The following TBC1D12 variants were observed in gnomAD, a reference collection of about 807,000 sequenced individuals.
TBC1D12 encodes the protein TBC1 domain family member 12.
In TBC1D12, 56 loss-of-function variants were observed where a neutral mutation model predicts 86.7. That is an observed-to-expected ratio of 0.65 (90% CI 0.52 to 0.81). The LOEUF is 0.81. Among genes scored for constraint, TBC1D12 ranks in the 30% least tolerant of loss-of-function variants. The pLI, the probability that TBC1D12 is intolerant of heterozygous loss-of-function variation, is 0.00. For synonymous variants in TBC1D12, 421 were observed against 411.7 expected (o/e 1.02, Z -0.27); for missense variants, 1,023 against 1,038.8 (o/e 0.98, Z 0.21).
intron 7 of TBC1D12, chr10:94,509,048 T>C (rs2056495695): frequency 6.6e-6 from 1 of 151,974 alleles, no homozygotes; most frequent in South Asian, 2.1e-4. Flanking sequence ...TGGGGCAAGG[T>C]TGTAGGTTTA....
chr10:94,424,231 A>G (rs1391867341), intron 1 of TBC1D12, among the ~76,000 whole-genome samples: 1 of 152,198 alleles, frequency 6.6e-6, no homozygotes, highest in African/African-American at 2.4e-5. Flanking sequence ...TTGTAGAAAG[A>G]GAGTAGTAGG....
chr10:94,458,870 C>T (rs1367908572), intron 2 of TBC1D12, among the ~76,000 whole-genome samples: 1 of 152,106 alleles, frequency 6.6e-6, no homozygotes, highest in African/African-American at 2.4e-5. Flanking sequence ...AGCTGCAGAC[C>T]TTTGCAGTGA....
chr10:94,425,248 A>T (rs373830334), intron 1 of TBC1D12, among the ~76,000 whole-genome samples: 11 of 152,232 alleles, frequency 7.2e-5, no homozygotes, highest in African/African-American at 2.6e-4. Flanking sequence ...ACTTCAGTGG[A>T]TGCAAAATGA....
At position 94,536,172 on chromosome 10, in the gene TBC1D12, T is replaced by C. The variant is rs1320012870; in HGVS notation, c.*3076T>C. Among the ~76,000 whole-genome samples, 1 of 152,104 alleles carries C rather than the reference T, an allele frequency of 6.6e-6. No homozygotes were observed. The highest frequency in any genetic ancestry group is 1.5e-5 in the Non-Finnish European group (1 of 67,980). ...ATGGTCAGTATATGGCAGTTTTTGT[T>C]GTTGTTGTTACAGTATATTTTCAAT... On this transcript the variant is annotated 3_prime_UTR_variant, in exon 13 of 13. Coordinates refer to ENST00000225235, the MANE Select transcript of TBC1D12 (RefSeq NM_015188.2).
At chr10:94,471,042 G>A (rs2055897583) in intron 2 of TBC1D12, among the ~76,000 whole-genome samples, 1 of 152,138 alleles carries the variant, frequency 6.6e-6, no homozygotes, top group South Asian at 2.1e-4. Flanking sequence ...TTGGGAGGCT[G>A]AGGTGGGTGG....
At chr10:94,531,810 TTA>T (rs1842434000) in intron 12 of TBC1D12, among the ~76,000 whole-genome samples, 1 of 149,136 alleles carries the variant, frequency 6.7e-6, no homozygotes, top group South Asian at 2.1e-4. Context: ...TTATGTTATT[TTA>T]TTTTATGTTA....
At chr10:94,425,917 GT>G (rs2055139126) in intron 1 of TBC1D12, among the ~76,000 whole-genome samples, 1 of 151,832 alleles carries the variant, frequency 6.6e-6, no homozygotes, top group South Asian at 2.1e-4. Flanking sequence ...TAAATATTTA[GT>G]TTTTTGTGTT....
At position 94,531,330 on chromosome 10, in the gene TBC1D12, T is replaced by C; in HGVS notation, c.2129T>C (p.Ile710Thr). 2.5e-6 allele frequency: 4 copies of C among 1,614,186 alleles called. No homozygotes were observed. The highest frequency in any genetic ancestry group is 1.3e-5 in the African/African-American group (1 of 75,052). Reference sequence around the variant, plus strand: ...GGAATCCTCCGATTATATGAAGATATTCTCCTGCAGATGGACTTTATTCAT... The same window carrying C: ...GGAATCCTCCGATTATATGAAGATACTCTCCTGCAGATGGACTTTATTCAT... ...GLGILRLYED[I>T]LLQMDFIHIA... The change falls in exon 12 of 13, where the codon ATT becomes ACT. Residue 710 changes from isoleucine (I) to threonine (T), a missense_variant. Coordinates refer to ENST00000225235, the MANE Select transcript of TBC1D12 (RefSeq NM_015188.2).
intron 3 of TBC1D12, among the ~76,000 whole-genome samples, 157 bp from the exon 4 acceptor site, chr10:94,493,208 C>G (rs565284445): frequency 2.0e-5 from 3 of 151,998 alleles, no homozygotes; most frequent in Non-Finnish European, 4.4e-5. Context: ...TGATTCTGTT[C>G]TAAAATGCAC....
intron 2 of TBC1D12, among the ~76,000 whole-genome samples, chr10:94,459,303 A>G (rs2055685125): frequency 6.6e-6 from 1 of 152,180 alleles, no homozygotes; most frequent in Non-Finnish European, 1.5e-5. Flanking sequence ...AACTAGACAC[A>G]AGGTGCTGAT....
At chr10:94,410,280 T>C (rs1368983728) in intron 1 of TBC1D12, among the ~76,000 whole-genome samples, 2 of 152,246 alleles carry the variant, frequency 1.3e-5, no homozygotes, top group African/African-American at 4.8e-5. Context: ...CACTGCACAC[T>C]ATTTAGGGGC....
At chr10:94,521,227 AAAAAAAAAAAC>A (rs1433171093) in intron 9 of TBC1D12, among the ~76,000 whole-genome samples, 119 of 145,112 alleles carry the variant, frequency 8.2e-4, no homozygotes, top group Non-Finnish European at 1.5e-3. Flanking sequence ...AAACCAAAAA[AAAAAAAAAAAC>A]AAAAAAAAAA....
chr10:94,483,496 C>T (rs933955613), intron 3 of TBC1D12, among the ~76,000 whole-genome samples: 2 of 152,132 alleles, frequency 1.3e-5, no homozygotes, highest in Admixed American at 6.6e-5. Flanking sequence ...TTTTGATTTG[C>T]ATTTCTCTGA....
intron 3 of TBC1D12, among the ~76,000 whole-genome samples, chr10:94,488,578 G>A (rs2056202720): frequency 6.7e-6 from 1 of 149,910 alleles, no homozygotes; most frequent in African/African-American, 2.5e-5. Context: ...TTTTGGTAGA[G>A]ATGGGGTTTT....
In TBC1D12 at chr10:94,449,018, G is replaced by A. The variant is rs569472366; in HGVS notation, c.1095+6999G>A. On this transcript the variant is annotated intron_variant, in intron 2 of 12. Coordinates refer to ENST00000225235, the MANE Select transcript of TBC1D12 (RefSeq NM_015188.2). ...TATTTCTGGGCCTATGCTTCTGGGA[G>A]AAGGGAGAAGTATGATCCTCAAGAG... Among the ~76,000 whole-genome samples the A allele has an allele frequency of 6.5e-4, 99 of 152,222 alleles. 1 individual carries two copies. The highest frequency in any genetic ancestry group is 2.2e-3 in the African/African-American group (91 of 41,542).
At chr10:94,439,622 T>C (rs1025563884) in intron 1 of TBC1D12, among the ~76,000 whole-genome samples, 6 of 152,200 alleles carry the variant, frequency 3.9e-5, no homozygotes, top group African/African-American at 1.4e-4. Flanking sequence ...CCCGATCCAC[T>C]CTGCAGCAGC....
intron 1 of TBC1D12, among the ~76,000 whole-genome samples, chr10:94,417,882 T>TG (rs35708968): frequency 0.45 from 67,854 of 151,240 alleles, 15,585 homozygotes; most frequent in East Asian, 0.79. Flanking sequence ...CCCGAGTAGC[T>TG]GGACTACAGG....
chr10:94,411,907 A>G (rs571367782), intron 1 of TBC1D12, among the ~76,000 whole-genome samples: 6 of 152,334 alleles, frequency 3.9e-5, no homozygotes, highest in African/African-American at 1.4e-4. Flanking sequence ...GCAGTGAGCT[A>G]TGGTCACACC....
At chr10:94,493,971 CA>C (rs1276642272) in intron 4 of TBC1D12, among the ~76,000 whole-genome samples, 3 of 151,362 alleles carry the variant, frequency 2.0e-5, no homozygotes, top group Non-Finnish European at 4.4e-5. Flanking sequence ...CACTTTTTAC[CA>C]TTTTTATATT....
Sources: allele counts gnomAD v4.1 joint callset (sites outside exome capture counted in the v4.1 genomes callset), GRCh38; gene constraint gnomAD v4.1.1; transcripts MANE v1.5; gene names NCBI Gene and HGNC (gene_info 2026-07-23, HGNC 2026-07-21).